The following LRRC63 variants were observed in gnomAD, a reference collection of about 807,000 sequenced individuals.
The protein encoded by LRRC63 is leucine rich repeat containing 63, also known as leucine-rich repeat-containing protein 63.
LRRC63 carries 40 observed loss-of-function variants against 49.5 expected under a neutral mutation model. The ratio of observed to expected loss-of-function variants is 0.81; its 90% CI spans 0.63 to 1.05. LRRC63 has a LOEUF of 1.05. LRRC63 is among the 50% of genes least tolerant of loss of function. LRRC63 has a pLI of 0.00. For synonymous variants in LRRC63, 191 were observed against 221.1 expected, an observed-to-expected ratio of 0.86 and a Z score of 1.21; for missense variants, 636 against 663.1, an observed-to-expected ratio of 0.96 and a Z score of 0.45.
chr13:46,255,877 G>A (rs184232560), intron 7 of LRRC63, among the ~76,000 whole-genome samples: 1 of 152,160 alleles, frequency 6.6e-6, no homozygotes, highest in East Asian at 1.9e-4. Context: ...ATGTCCCCAT[G>A]TACATTTCTA....
intron 7 of LRRC63, among the ~76,000 whole-genome samples, chr13:46,251,349 A>G (rs558992401): frequency 2.1e-4 from 32 of 152,042 alleles, no homozygotes; most frequent in Non-Finnish European, 3.5e-4. Context: ...TATAAAATGC[A>G]TATACATATC....
intron 9 of LRRC63, among the ~76,000 whole-genome samples, chr13:46,271,333 C>T (rs893757535): frequency 1.1e-4 from 16 of 152,176 alleles, no homozygotes; most frequent in Middle Eastern, 3.4e-3. Context: ...CCTTTCTTAC[C>T]CAATCTGCTA....
At chr13:46,268,348 T>G (rs9595454) in intron 9 of LRRC63, among the ~76,000 whole-genome samples, 21,458 of 152,110 alleles carry the variant, frequency 0.14, 2,255 homozygotes, top group African/African-American at 0.29. Context: ...TACACTTGGA[T>G]ACTCAGAAAG....
intron 6 of LRRC63, among the ~76,000 whole-genome samples, chr13:46,249,131 C>T (rs117397242): frequency 0.012 from 1,821 of 151,714 alleles, 19 homozygotes; most frequent in Middle Eastern, 0.027. Flanking sequence ...TTCTGAGATG[C>T]ATTACAGAGT....
intron 3 of LRRC63, 74 bp from the exon 4 acceptor site, chr13:46,228,591 A>G: frequency 1.2e-6 from 1 of 842,670 alleles, no homozygotes; most frequent in Admixed American, 2.3e-5. Context: ...GAACAATTAT[A>G]TTGAAGTCAT....
chr13:46,222,312 G>A lies in LRRC63; in HGVS notation c.86-5200G>A, dbSNP rs556402667. 2.0e-5 allele frequency among the ~76,000 whole-genome samples: 3 copies of A among 152,162 alleles called. No homozygotes were observed. The South Asian group carries it at 6.2e-4, about 32-fold the overall frequency. ...GCAAATATTTTCTCCCACTCAACAAGGTCTTAGTCATAAATTATTTTCCTA... is the reference window on the plus strand; with the variant it reads ...GCAAATATTTTCTCCCACTCAACAAAGTCTTAGTCATAAATTATTTTCCTA... On this transcript the variant is annotated intron_variant, in intron 2 of 9. Transcript: ENST00000595396.
Position 46,228,207 on chromosome 13 carries a change from A to G in LRRC63, c.763+18A>G. ...TGTGATAGGTAAATACAATCTGAAC[A>G]CGGTATAATTATAGAGTCAAGTAGA... On this transcript the variant is annotated intron_variant, in intron 3 of 9. Transcript: ENST00000595396. 6.6e-7 allele frequency: 1 copy of G among 1,505,166 alleles called. No homozygotes were observed. The highest frequency in any genetic ancestry group is 8.9e-7 in the Non-Finnish European group (1 of 1,119,298). The allele number at this position is 1,505,166 out of a possible 1,614,324, so 93.2% of individuals were successfully genotyped here.
rs1238424709 is a variant in LRRC63, at chr13:46,246,520, C to T, written c.991-7C>T. The T allele has an allele frequency of 4.2e-6, 6 of 1,413,820 alleles. No individual in the cohort carries two copies. In the East Asian group the frequency reaches 1.6e-4, roughly 38 times the overall value. 87.6% of individuals were successfully genotyped at this position (1,413,820 alleles called of 1,614,324 possible). A position where few individuals can be genotyped will look rare whatever the true frequency, so the allele number is the denominator to read the frequency against. ...TTAACACCTTATCTCTTGTCACTTT[C>T]TTTTAGGGCTTTTTTATCCTAAATT... On this transcript the variant is annotated splice_polypyrimidine_tract_variant and splice_region_variant and intron_variant, in intron 5 of 9. Coordinates refer to ENST00000595396, the Ensembl canonical transcript of LRRC63.
At chr13:46,232,554 C>T (rs2046794204) in intron 4 of LRRC63, among the ~76,000 whole-genome samples, 1 of 152,078 alleles carries the variant, frequency 6.6e-6, no homozygotes, top group Non-Finnish European at 1.5e-5. Context: ...GAGGACAAAA[C>T]TAAAATAGCC....
intron 2 of LRRC63, among the ~76,000 whole-genome samples, chr13:46,218,731 G>A (rs2046324170): frequency 6.6e-6 from 1 of 152,116 alleles, no homozygotes; most frequent in South Asian, 2.1e-4. Flanking sequence ...TTTTTGCAGT[G>A]GCTGGTACCA....
At chr13:46,223,304 G>C (rs762866628) in intron 2 of LRRC63, among the ~76,000 whole-genome samples, 2 of 152,044 alleles carry the variant, frequency 1.3e-5, no homozygotes, top group African/African-American at 2.4e-5. Context: ...TCAGTTGGCT[G>C]TAAGTATGTG....
chr13:46,237,799 G>A lies in LRRC63; in HGVS notation c.990+3450G>A, dbSNP rs112640822. Reference sequence around the variant, plus strand: ...CTTACAAAAATGAAGGGGATTGTAAGAGAATACTATAAATAATTGTACACC... The same window carrying A: ...CTTACAAAAATGAAGGGGATTGTAAAAGAATACTATAAATAATTGTACACC... On this transcript the variant is annotated intron_variant, in intron 5 of 9. Transcript: ENST00000595396. 5.4e-4 allele frequency among the ~76,000 whole-genome samples: 82 copies of A among 152,208 alleles called. 3 individuals carry two copies. Among genetic ancestry groups the A allele is most frequent in the African/African-American group, 1.9e-3 (79 of 41,548 alleles).
At chr13:46,261,004 T>A (rs1341205724) in intron 7 of LRRC63, among the ~76,000 whole-genome samples, 2 of 152,012 alleles carry the variant, frequency 1.3e-5, no homozygotes, top group African/African-American at 4.8e-5. Context: ...GAAGGGGGTG[T>A]TTACTAGGGA....
intron 2 of LRRC63, among the ~76,000 whole-genome samples, chr13:46,219,363 T>C (rs944080616): frequency 6.6e-6 from 1 of 152,248 alleles, no homozygotes; most frequent in Non-Finnish European, 1.5e-5. Context: ...ATCTTCAGTC[T>C]CTGATATCCT....
At chr13:46,266,691 A>C in intron 8 of LRRC63, 42 bp from the exon 9 acceptor site, 1 of 1,449,944 alleles carries the variant, frequency 6.9e-7, no homozygotes, top group Non-Finnish European at 9.1e-7. Context: ...AATATTATGA[A>C]TTGTATAATA....
rs546997996 is a variant in LRRC63 at position 46,251,416 on chromosome 13, G to A, written c.1226+925G>A. On this transcript the variant is annotated intron_variant, in intron 7 of 9. Transcript: ENST00000595396. ...GAATAAACACTAAAGAAGTAAGAAT[G>A]TTACATATGGGTATTTTATTTCTGT... 2.4e-4 allele frequency among the ~76,000 whole-genome samples: 36 copies of A among 151,896 alleles called. 2 individuals are homozygous for A. In the South Asian group the frequency reaches 7.5e-3, roughly 31 times the overall value.
intron 4 of LRRC63, among the ~76,000 whole-genome samples, chr13:46,230,304 T>C: frequency 6.6e-6 from 1 of 152,222 alleles, no homozygotes; most frequent in East Asian, 1.9e-4. Flanking sequence ...CCCTTTGTAT[T>C]AGTTTGGGTT....
At chr13:46,231,550 C>T (rs1311446136) in intron 4 of LRRC63, among the ~76,000 whole-genome samples, 2 of 151,858 alleles carry the variant, frequency 1.3e-5, no homozygotes, top group East Asian at 3.9e-4. Flanking sequence ...TACTCTATTG[C>T]CCAGGCTGGA....
At chr13:46,256,175 A>T (rs1216718) in intron 7 of LRRC63, among the ~76,000 whole-genome samples, 68,545 of 152,086 alleles carry the variant, frequency 0.45, 16,331 homozygotes, top group East Asian at 0.59. Flanking sequence ...CATGATATAC[A>T]TGGGAAACCC....
Sources: gnomAD v4.1 joint callset for allele counts (sites outside exome capture counted in the v4.1 genomes callset) on GRCh38, gnomAD v4.1.1 for gene constraint, MANE v1.5 for transcripts, NCBI Gene and HGNC (gene_info 2026-07-23, HGNC 2026-07-21) for gene names.